The following C9orf85 variants were observed in gnomAD, a reference collection of about 807,000 sequenced individuals.
C9orf85 encodes the protein chromosome 9 open reading frame 85, also known as uncharacterized protein C9orf85.
In C9orf85, 16 loss-of-function variants were observed where a neutral mutation model predicts 14.9. The ratio of observed to expected loss-of-function variants is 1.08; its 90% CI spans 0.73 to 1.63. The LOEUF is 1.63. C9orf85 is among the 40% of genes most tolerant of loss of function. The probability of loss-of-function intolerance (pLI) is 0.00; values close to 1 mark genes in which losing one functional copy is unlikely to be tolerated. For synonymous variants in C9orf85, 45 were observed against 56.8 expected (o/e 0.79, Z 0.93); for missense variants, 172 against 186.1 (o/e 0.92, Z 0.44).
chr9:71,953,658 T>G (rs1457815956), intron 2 of C9orf85, among the ~76,000 whole-genome samples: 1 of 152,198 alleles, frequency 6.6e-6, no homozygotes, highest in Admixed American at 6.6e-5. Context: ...TTCCCACTGA[T>G]TGCCCAAGTG....
At chr9:71,945,539 A>T (rs958876569) in intron 1 of C9orf85, among the ~76,000 whole-genome samples, 2 of 152,258 alleles carry the variant, frequency 1.3e-5, no homozygotes, top group African/African-American at 4.8e-5. Context: ...CCTTGAAGAA[A>T]GAGAAAAATT....
chr9:71,956,804 G>A (rs191326014), intron 2 of C9orf85, among the ~76,000 whole-genome samples: 85 of 152,178 alleles, frequency 5.6e-4, no homozygotes, highest in Admixed American at 1.4e-3. Flanking sequence ...GTCTATACTA[G>A]GGTCATAGCC....
chr9:71,982,233 AT>A (rs934105609), intron 3 of C9orf85, among the ~76,000 whole-genome samples: 93 of 144,712 alleles, frequency 6.4e-4, no homozygotes, highest in Middle Eastern at 3.6e-3. Context: ...ATAGTTCATC[AT>A]TTTTTTTTTT....
At chr9:71,947,810 A>G (rs985713550) in intron 2 of C9orf85, among the ~76,000 whole-genome samples, 1 of 151,938 alleles carries the variant, frequency 6.6e-6, no homozygotes, top group African/African-American at 2.4e-5. Context: ...TGCCTGGCTA[A>G]TTTTTTTGTA....
chr9:71,975,542 G>T (rs1822983819), downstream of C9orf85, among the ~76,000 whole-genome samples: 1 of 151,942 alleles, frequency 6.6e-6, no homozygotes, highest in South Asian at 2.1e-4. Flanking sequence ...TGAAAGAAAT[G>T]TTCTGTCCCG....
chr9:71,915,212 C>T (rs1341672647), intron 1 of C9orf85, among the ~76,000 whole-genome samples: 26 of 148,436 alleles, frequency 1.8e-4, no homozygotes, highest in African/African-American at 5.7e-4. Context: ...GACAGAGTCT[C>T]GCTCTCTCGC....
intron 1 of C9orf85, among the ~76,000 whole-genome samples, chr9:71,927,266 CA>C (rs61679762): frequency 0.79 from 84,653 of 106,622 alleles, 32,724 homozygotes; most frequent in East Asian, 0.87. Context: ...GAAAGTTTGT[CA>C]AAAAAAAAAA....
chr9:71,935,209 C>T (rs144976717), intron 1 of C9orf85, among the ~76,000 whole-genome samples: 6 of 152,248 alleles, frequency 3.9e-5, no homozygotes, highest in African/African-American at 1.4e-4. Flanking sequence ...ATGGTGGCTA[C>T]TCAGAAAATT....
chr9:71,982,404 T>C lies in C9orf85; in HGVS notation c.324-253T>C, dbSNP rs1823112941. Among the ~76,000 whole-genome samples the C allele has an allele frequency of 2.0e-5, 3 of 152,242 alleles. No individual in the cohort carries two copies. In the South Asian group the frequency reaches 6.2e-4, roughly 32 times the overall value. ...TTCATTTTTCGTGGATATATATACC[T>C]AAGAGGGAGATTAGATTGCTGGATT... is the stretch of plus-strand genomic sequence containing the variant. On this transcript the variant is annotated intron_variant, in intron 3 of 3. Coordinates refer to the C9orf85 transcript ENST00000377031.
downstream of C9orf85, among the ~76,000 whole-genome samples, chr9:71,973,790 T>C (rs1822951328): frequency 6.6e-6 from 1 of 151,620 alleles, no homozygotes; most frequent in Admixed American, 6.6e-5. Context: ...TGATCATTAT[T>C]GTCTTAATTT....
intron 1 of C9orf85, 179 bp downstream of exon 1, chr9:71,912,015 A>C: frequency 1.5e-6 from 1 of 670,614 alleles, no homozygotes; most frequent in Non-Finnish European, 2.7e-6. Flanking sequence ...TGACCTGGAC[A>C]TGTTGTCTCC....
chr9:71,914,014 C>T (rs1827583251), intron 1 of C9orf85, among the ~76,000 whole-genome samples: 1 of 152,162 alleles, frequency 6.6e-6, no homozygotes, highest in Non-Finnish European at 1.5e-5. Flanking sequence ...GAGGAAAAAT[C>T]ATTCGGTTGA....
intron 2 of C9orf85, among the ~76,000 whole-genome samples, chr9:71,961,748 ATTAC>A (rs565192043): frequency 9.1e-4 from 139 of 152,270 alleles, no homozygotes; most frequent in African/African-American, 3.2e-3. Flanking sequence ...GAGAGCTTTT[ATTAC>A]TTCCTTCAAT....
At chr9:71,951,729 T>C (rs1481315889) in intron 2 of C9orf85, among the ~76,000 whole-genome samples, 2 of 152,126 alleles carry the variant, frequency 1.3e-5, no homozygotes, top group Admixed American at 1.3e-4. Flanking sequence ...TTTTTTACTT[T>C]TGAAAAAGAA....
chr9:71,920,057 G>T (rs1470110414), intron 1 of C9orf85, among the ~76,000 whole-genome samples: 1 of 151,918 alleles, frequency 6.6e-6, no homozygotes, highest in Non-Finnish European at 1.5e-5. Context: ...CACCATGCTG[G>T]CCAGGACAGT....
At chr9:71,955,613 C>A (rs1458727733) in intron 2 of C9orf85, among the ~76,000 whole-genome samples, 2 of 152,156 alleles carry the variant, frequency 1.3e-5, no homozygotes, top group African/African-American at 4.8e-5. Flanking sequence ...GTTACTGTTA[C>A]AATAGTAGGT....
intron 1 of C9orf85, among the ~76,000 whole-genome samples, chr9:71,940,412 C>A (rs1821891691): frequency 6.6e-6 from 1 of 151,822 alleles, no homozygotes; most frequent in Non-Finnish European, 1.5e-5. Context: ...CAAGCCTGGG[C>A]AACAGAGTGA....
At chr9:71,966,594 G>A (rs758659114) in intron 2 of C9orf85, among the ~76,000 whole-genome samples, 8 of 152,116 alleles carry the variant, frequency 5.3e-5, no homozygotes, top group Non-Finnish European at 1.0e-4. Flanking sequence ...ATTTTATTGT[G>A]TGCATACGTG....
intron 1 of C9orf85, among the ~76,000 whole-genome samples, chr9:71,920,982 A>G (rs981807741): frequency 1.3e-5 from 2 of 152,234 alleles, no homozygotes; most frequent in South Asian, 4.2e-4. Context: ...ATGCCTCATC[A>G]TACCCTTCTC....
Sources: gnomAD v4.1 joint callset for allele counts (sites outside exome capture counted in the v4.1 genomes callset) on GRCh38, gnomAD v4.1.1 for gene constraint, MANE v1.5 for transcripts, NCBI Gene and HGNC (gene_info 2026-07-23, HGNC 2026-07-21) for gene names.